Variants in TTC29 observed in about 807,000 individuals in gnomAD.
TTC29 encodes tetratricopeptide repeat protein 29.
A neutral mutation model predicts 58.1 loss-of-function variants in TTC29; 49 were observed. The ratio of observed to expected loss-of-function variants is 0.84; its 90% CI spans 0.67 to 1.07. The LOEUF (loss-of-function observed/expected upper bound fraction) is 1.07. Ranked by LOEUF, TTC29 falls within the 50% of genes least tolerant of loss-of-function variation. TTC29 has a pLI of 0.00. For synonymous variants in TTC29, 209 were observed against 196.8 expected (o/e 1.06, Z -0.52); for missense variants, 582 against 555.6 (o/e 1.05, Z -0.48).
chr4:146,847,771 A>G (rs538560280), intron 8 of TTC29, among the ~76,000 whole-genome samples: 1 of 152,214 alleles, frequency 6.6e-6, no homozygotes, highest in East Asian at 1.9e-4. Flanking sequence ...AAATGCATCG[A>G]AAGTTCAGAA....
intron 8 of TTC29, among the ~76,000 whole-genome samples, chr4:146,854,847 C>T (rs1729736134): frequency 6.6e-6 from 1 of 152,160 alleles, no homozygotes; most frequent in African/African-American, 2.4e-5. Flanking sequence ...TATTAAATTC[C>T]TCCCTCGAAA....
At chr4:146,882,412 T>C (rs992378668) in intron 6 of TTC29, among the ~76,000 whole-genome samples, 4 of 152,158 alleles carry the variant, frequency 2.6e-5, no homozygotes, top group Non-Finnish European at 5.9e-5. Context: ...GGAATTTATA[T>C]TAGCCATTTT....
At chr4:146,941,689 T>C (rs1736408439) in intron 2 of TTC29, among the ~76,000 whole-genome samples, 2 of 152,186 alleles carry the variant, frequency 1.3e-5, no homozygotes, top group Non-Finnish European at 2.9e-5. Flanking sequence ...TGATGGTTAC[T>C]CTAAAAACTG....
intron 2 of TTC29, among the ~76,000 whole-genome samples, chr4:146,943,603 G>A (rs781299948): frequency 6.6e-6 from 1 of 152,116 alleles, no homozygotes; most frequent in Non-Finnish European, 1.5e-5. Flanking sequence ...TCAATACGTG[G>A]CCACATAAGG....
chr4:146,748,624 C>G (rs1488412442), intron 11 of TTC29, among the ~76,000 whole-genome samples: 1 of 152,212 alleles, frequency 6.6e-6, no homozygotes, highest in Non-Finnish European at 1.5e-5. Flanking sequence ...CACCTGCAGT[C>G]CTCACTAACA....
intron 8 of TTC29, among the ~76,000 whole-genome samples, chr4:146,855,405 C>G (rs1204243299): frequency 2.5e-5 from 3 of 122,288 alleles, no homozygotes; most frequent in African/African-American, 1.1e-4. Context: ...TGCACTCCAG[C>G]CTGGGCGACA....
At chr4:146,843,642 T>A (rs1255728561) in intron 8 of TTC29, among the ~76,000 whole-genome samples, 1 of 152,140 alleles carries the variant, frequency 6.6e-6, no homozygotes, top group Non-Finnish European at 1.5e-5. Context: ...ATCTACTAGA[T>A]GATGGAGATG....
chr4:146,709,298 T>C (rs2149987939), intron 11 of TTC29, among the ~76,000 whole-genome samples: 1 of 152,236 alleles, frequency 6.6e-6, no homozygotes, highest in Admixed American at 6.6e-5. Flanking sequence ...CATTTAACTG[T>C]TTGGCTGCCT....
rs1732567089 is a variant in TTC29 at position 146,893,914 on chromosome 4, A to C, written c.586+9630T>G. ...CAAAAGAAGACATTTCTGCAGCCAA[A>C]AGACACATGAAAAAATACTCATCAT... On this transcript the variant is annotated intron_variant, in intron 6 of 12. Transcript: ENST00000325106. Among the ~76,000 whole-genome samples the C allele has an allele frequency of 2.0e-5, 3 of 152,310 alleles. No individual in the cohort carries two copies. The South Asian group carries it at 6.2e-4, about 32-fold the overall frequency.
At chr4:146,712,010 A>C (rs999056344) in intron 11 of TTC29, among the ~76,000 whole-genome samples, 1 of 151,792 alleles carries the variant, frequency 6.6e-6, no homozygotes, top group Non-Finnish European at 1.5e-5. Flanking sequence ...CCTTCCAATA[A>C]ATAAATAAAT....
intron 11 of TTC29, among the ~76,000 whole-genome samples, chr4:146,752,941 A>G (rs1746134607): frequency 6.6e-6 from 1 of 152,260 alleles, no homozygotes; most frequent in Non-Finnish European, 1.5e-5. Flanking sequence ...CCTAAACCAT[A>G]AAAACCCTAG....
At chr4:146,856,417 C>G (rs1202188267) in intron 8 of TTC29, among the ~76,000 whole-genome samples, 1 of 151,902 alleles carries the variant, frequency 6.6e-6, no homozygotes, top group Non-Finnish European at 1.5e-5. Flanking sequence ...AATTTTATTA[C>G]TAGAAAATTT....
At chr4:146,918,943 T>C (rs1734408884) in intron 4 of TTC29, among the ~76,000 whole-genome samples, 1 of 151,294 alleles carries the variant, frequency 6.6e-6, no homozygotes, top group East Asian at 1.9e-4. Context: ...TTTGTTGATC[T>C]CACAAAAAGT....
chr4:146,800,378 G>A (rs1178069554), intron 11 of TTC29, among the ~76,000 whole-genome samples: 1 of 152,170 alleles, frequency 6.6e-6, no homozygotes, highest in Non-Finnish European at 1.5e-5. Context: ...AAGTCTCAGA[G>A]GTGAAGATAA....
At chr4:146,878,681 T>C (rs1011698341) in intron 6 of TTC29, among the ~76,000 whole-genome samples, 1 of 152,144 alleles carries the variant, frequency 6.6e-6, no homozygotes, top group Admixed American at 6.5e-5. Flanking sequence ...ATCTCTTGTG[T>C]TAAAAATAAT....
At chr4:146,751,798 AAAG>A (rs1460923469) in intron 11 of TTC29, among the ~76,000 whole-genome samples, 1 of 152,198 alleles carries the variant, frequency 6.6e-6, no homozygotes, top group Non-Finnish European at 1.5e-5. Flanking sequence ...GGAACTAGAA[AAAG>A]AAGAACTAAA....
intron 7 of TTC29, among the ~76,000 whole-genome samples, chr4:146,871,645 C>A (rs1386033814): frequency 6.6e-6 from 1 of 151,600 alleles, no homozygotes; most frequent in East Asian, 1.9e-4. Context: ...AATTAAGAAA[C>A]AATTCCATTT....
chr4:146,780,305 GT>G (rs1561118075), intron 11 of TTC29, among the ~76,000 whole-genome samples: 24 of 43,320 alleles, frequency 5.5e-4, no homozygotes, highest in East Asian at 4.4e-3. Context: ...AACTTGGGGT[GT>G]GTGTGTGTGT....
chr4:146,926,300 T>C (rs1734924734), intron 4 of TTC29, among the ~76,000 whole-genome samples: 1 of 152,170 alleles, frequency 6.6e-6, no homozygotes, highest in African/African-American at 2.4e-5. Context: ...AATTCTGTAG[T>C]CCTTCGCATC....
Sources: gnomAD v4.1 joint callset for allele counts (sites outside exome capture counted in the v4.1 genomes callset) on GRCh38, gnomAD v4.1.1 for gene constraint, MANE v1.5 for transcripts, NCBI Gene and HGNC (gene_info 2026-07-23, HGNC 2026-07-21) for gene names.